KIF6: variants seen among roughly 807,000 people sequenced by gnomAD.
KIF6 encodes kinesin-like protein KIF6.
KIF6 carries 106 observed loss-of-function variants against 112.7 expected under a neutral mutation model. The ratio of observed to expected loss-of-function variants is 0.94; its 90% CI spans 0.80 to 1.11. The LOEUF (loss-of-function observed/expected upper bound fraction) is 1.11, where lower values mean the gene tolerates loss of function less well. KIF6 is among the 50% of genes least tolerant of loss of function. The probability of loss-of-function intolerance (pLI) is 0.00; values close to 1 mark genes in which losing one functional copy is unlikely to be tolerated. For missense variants in KIF6, 929 were observed against 964.0 expected, an observed-to-expected ratio of 0.96 and a Z score of 0.48; for synonymous variants, 339 against 339.9, an observed-to-expected ratio of 1.00 and a Z score of 0.03.
At chr6:39,524,770 C>G (rs1777609220) in intron 13 of KIF6, among the ~76,000 whole-genome samples, 1 of 152,212 alleles carries the variant, frequency 6.6e-6, no homozygotes, top group East Asian at 1.9e-4. Context: ...TCTCCGTCCT[C>G]TAAGTCCTGC....
intron 16 of KIF6, among the ~76,000 whole-genome samples, chr6:39,364,155 G>C (rs189376296): frequency 1.3e-5 from 2 of 151,384 alleles, no homozygotes; most frequent in Admixed American, 1.3e-4. Flanking sequence ...GCAGCAGCGC[G>C]ATCTCCACTG....
At chr6:39,362,096 G>C (rs773713668) in intron 17 of KIF6, among the ~76,000 whole-genome samples, 5 of 152,144 alleles carry the variant, frequency 3.3e-5, no homozygotes, top group Non-Finnish European at 5.9e-5. Context: ...CTGCGTGAGA[G>C]TATGACGTTC....
chr6:39,487,735 T>C (rs958156369), intron 13 of KIF6, among the ~76,000 whole-genome samples: 2 of 152,220 alleles, frequency 1.3e-5, no homozygotes, highest in African/African-American at 4.8e-5. Flanking sequence ...GGCAGTTTAG[T>C]GGCTGAAAAA....
chr6:39,623,032 T>C (rs1783912215), intron 5 of KIF6, among the ~76,000 whole-genome samples: 1 of 152,216 alleles, frequency 6.6e-6, no homozygotes, highest in South Asian at 2.1e-4. Flanking sequence ...TGCTATTACC[T>C]GCAGTTGTTA....
At chr6:39,502,272 T>A (rs1214092882) in intron 13 of KIF6, among the ~76,000 whole-genome samples, 1 of 152,148 alleles carries the variant, frequency 6.6e-6, no homozygotes, top group African/African-American at 2.4e-5. Context: ...AGATCCTTTT[T>A]AGACAAGCAA....
At chr6:39,489,880 A>G (rs75675537) in intron 13 of KIF6, among the ~76,000 whole-genome samples, 9,255 of 152,316 alleles carry the variant, frequency 0.061, 500 homozygotes, top group East Asian at 0.25. Flanking sequence ...AGCAGAAAGC[A>G]GAAAATATAT....
chr6:39,331,841 A>G lies in KIF6; in HGVS notation c.*4691T>C, dbSNP rs1762749101. 1 of 152,106 alleles carries G rather than the reference A, an allele frequency of 6.6e-6. No homozygotes were observed. The highest frequency in any genetic ancestry group is 2.1e-4 in the South Asian group (1 of 4,828). 9.4% of individuals were successfully genotyped at this position (152,106 alleles called of 1,614,324 possible). On this transcript the variant is annotated 3_prime_UTR_variant, in exon 23 of 23. Coordinates refer to ENST00000287152, the MANE Select transcript of KIF6 (RefSeq NM_145027.6). ...TTATGTTTAAGGAATTACAAGGAGC[A>G]TTTTTTCTGCCTAGATTTGAAACAC... is the stretch of plus-strand genomic sequence containing the variant.
At chr6:39,453,391 A>G (rs568118478) in intron 13 of KIF6, among the ~76,000 whole-genome samples, 4 of 152,238 alleles carry the variant, frequency 2.6e-5, no homozygotes, top group Non-Finnish European at 4.4e-5. Flanking sequence ...TTTCCAATTA[A>G]TCTTTTACAA....
rs187969148 is a variant in KIF6, at chr6:39,511,250, A to G, written c.1645+28753T>C. ...CAAAGATCTTAAACAAATTTACAAG[A>G]AAAAAACAACCTCGTCAAAAAGTGG... On this transcript the variant is annotated intron_variant, in intron 13 of 22. Coordinates refer to ENST00000287152, the MANE Select transcript of KIF6 (RefSeq NM_145027.6). Among the ~76,000 whole-genome samples, 19 of 152,302 alleles carry G rather than the reference A, an allele frequency of 1.2e-4. No individual in the cohort carries two copies. In the East Asian group the frequency reaches 3.5e-3, roughly 28 times the overall value.
chr6:39,452,836 C>A (rs576084927), intron 13 of KIF6, among the ~76,000 whole-genome samples: 8 of 152,288 alleles, frequency 5.3e-5, no homozygotes, highest in African/African-American at 1.9e-4. Context: ...AAATTCATTT[C>A]AGAACAGGCG....
chr6:39,632,376 C>T (rs896323864), intron 5 of KIF6, among the ~76,000 whole-genome samples: 21 of 151,922 alleles, frequency 1.4e-4, no homozygotes, highest in Admixed American at 1.2e-3. Context: ...GGGTATATTG[C>T]CATTGTCCCT....
intron 5 of KIF6, among the ~76,000 whole-genome samples, chr6:39,622,167 CAA>C (rs35199120): frequency 9.9e-5 from 12 of 121,734 alleles, no homozygotes; most frequent in Admixed American, 1.7e-4. Flanking sequence ...AAATCCAGCT[CAA>C]AAAAAAAAAA....
intron 15 of KIF6, among the ~76,000 whole-genome samples, chr6:39,416,728 T>A (rs535635683): frequency 2.0e-5 from 3 of 152,350 alleles, no homozygotes; most frequent in Admixed American, 2.0e-4. Flanking sequence ...TAGGGAGTTT[T>A]GAGAAGGAAG....
At chr6:39,376,550 G>T (rs1383482510) in intron 16 of KIF6, among the ~76,000 whole-genome samples, 1 of 152,214 alleles carries the variant, frequency 6.6e-6, no homozygotes, top group East Asian at 1.9e-4. Flanking sequence ...AGGCAAAAAT[G>T]TGATGCCTAA....
chr6:39,360,405 G>C lies in KIF6; in HGVS notation c.2072C>G (p.Thr691Ser), dbSNP rs1299168436. The C allele has an allele frequency of 1.1e-5, 18 of 1,613,988 alleles. No homozygotes were observed. Among genetic ancestry groups the C allele is most frequent in the Non-Finnish European group, 1.5e-5 (18 of 1,180,014 alleles). Residue 691 changes from threonine (T) to serine (S), a missense_variant, in exon 18 of 23, where the codon ACC (threonine) becomes AGC (serine). By Grantham distance (58) the Thr-to-Ser change is moderately conservative. This residue lies in a region of KIF6 where 241 missense variants were observed against 301.4 expected (regional missense o/e 0.80). Transcript: ENST00000287152. ...TTCCCCAGGCCATACCTGCAGGTTG[G>C]TGGCCTCCTCTGCCCACCAGACTTC... The part of the protein sequence containing the change: ...EFEVWWAEEA[T>S]NLQVNSPAVN...
chr6:39,413,425 G>GT (rs1219695375), intron 15 of KIF6, among the ~76,000 whole-genome samples: 1 of 152,040 alleles, frequency 6.6e-6, no homozygotes, highest in East Asian at 1.9e-4. Context: ...AGTTTATGTG[G>GT]TGCAGATGGG....
intron 13 of KIF6, among the ~76,000 whole-genome samples, chr6:39,463,489 C>T (rs1334504857): frequency 6.6e-6 from 1 of 152,170 alleles, no homozygotes; most frequent in African/African-American, 2.4e-5. Context: ...GAGATAGCAA[C>T]CATAACATTT....
intron 10 of KIF6, among the ~76,000 whole-genome samples, chr6:39,555,384 G>C (rs1175765051): frequency 1.3e-5 from 2 of 152,068 alleles, no homozygotes; most frequent in Admixed American, 6.5e-5. Context: ...CATCACCCCA[G>C]TGTCTTTTGC....
intron 3 of KIF6, among the ~76,000 whole-genome samples, chr6:39,698,816 C>G (rs577902000): frequency 4.6e-5 from 7 of 152,086 alleles, no homozygotes; most frequent in Non-Finnish European, 7.4e-5. Flanking sequence ...ATTACATGAA[C>G]AACACTATTT....
Sources: allele counts gnomAD v4.1 joint callset (sites outside exome capture counted in the v4.1 genomes callset), GRCh38; gene constraint gnomAD v4.1.1; regional missense constraint gnomAD v4.1.1; transcripts MANE v1.5; gene names NCBI Gene and HGNC (gene_info 2026-07-23, HGNC 2026-07-21).